The following LIMS2 variants were observed in gnomAD, a reference collection of about 807,000 sequenced individuals.
LIMS2 encodes LIM zinc finger domain containing 2, also known as LIM and senescent cell antigen-like-containing domain protein 2.
In LIMS2, 30 loss-of-function variants were observed where a neutral mutation model predicts 45.3. The observed-to-expected ratio is 0.66, with a 90% CI of 0.50 to 0.90. LIMS2 has a LOEUF of 0.90. Ranked by LOEUF, LIMS2 falls within the 40% of genes least tolerant of loss-of-function variation. The pLI, the probability that LIMS2 is intolerant of heterozygous loss-of-function variation, is 0.00. For missense variants in LIMS2, 485 were observed against 468.7 expected (o/e 1.03, Z -0.32); for synonymous variants, 173 against 188.0 (o/e 0.92, Z 0.65).
chr2:127,673,947 T>A, intron 1 of LIMS2: 2 of 567,662 alleles, frequency 3.5e-6, no homozygotes, highest in Non-Finnish European at 6.4e-6. Context: ...GGGAGCTAAC[T>A]GGGAAGAGAG....
chr2:127,642,979 G>A lies in LIMS2; in HGVS notation c.453C>T (p.Pro151=). 1.3e-6 allele frequency: 2 copies of A among 1,573,414 alleles called. No homozygotes were observed. The highest frequency in any genetic ancestry group is 1.7e-6 in the Non-Finnish European group (2 of 1,159,384). The stretch of plus-strand genomic sequence containing the variant: ...GGTAGGCGTCGCTCCTGAACATGAG[G>A]GGCTGCTCGTCGATGACCAGGTGGC... ...QRCHLVIDEQ[P]LMFRSDAYHP... is the part of the protein sequence containing the mutation. Residue 151 remains proline (P), a synonymous_variant, in exon 5 of 10, where the codon CCC becomes CCT. Transcript: ENST00000355119. This position sits in a 1 kb window ranked among gnomAD's most constrained non-coding sequence, Gnocchi z 5.3.
In LIMS2 at chr2:127,638,906, G is replaced by T. The variant is rs1682103861; in HGVS notation, c.*375C>A. 1 of 214,366 alleles carries T rather than the reference G, an allele frequency of 4.7e-6. No homozygotes were observed. The highest frequency in any genetic ancestry group is 7.8e-5 in the South Asian group (1 of 12,902). The allele number at this position is 214,366 out of a possible 1,614,324, so 13.3% of individuals were successfully genotyped here. A position where few individuals can be genotyped will look rare whatever the true frequency, so the allele number is the denominator to read the frequency against. ...TTAGTGGGGCCGCTCTGGGGCAGGG[G>T]CTCTCACAGGACAGCATGAGCCACT... On this transcript the variant is annotated 3_prime_UTR_variant, in exon 10 of 10. Transcript: ENST00000355119.
At chr2:127,675,632 G>GC (rs370055227), upstream of LIMS2, among the ~76,000 whole-genome samples, 1 of 151,996 alleles carries the variant, frequency 6.6e-6, no homozygotes, top group African/African-American at 2.4e-5. Flanking sequence ...CCCGCCCGGC[G>GC]CCCCCTCTGC....
chr2:127,645,362 G>C (rs1053543919), intron 4 of LIMS2, among the ~76,000 whole-genome samples: 2 of 152,214 alleles, frequency 1.3e-5, no homozygotes, highest in Non-Finnish European at 2.9e-5. Flanking sequence ...TTCCCATGTT[G>C]CTGGATGTAT....
chr2:127,645,505 C>T (rs1369907814), intron 4 of LIMS2, among the ~76,000 whole-genome samples: 1 of 152,230 alleles, frequency 6.6e-6, no homozygotes, highest in East Asian at 1.9e-4. Context: ...GATTCATGGG[C>T]TTCCGTGCAG....
chr2:127,664,118 G>A lies in LIMS2; in HGVS notation c.12-6556C>T, dbSNP rs192586874. ...CACCCTGCCAGGAGAGCTGATCACA[G>A]GTGACATCCAACCCTGTTAGATAAA... On this transcript the variant is annotated intron_variant, in intron 1 of 9. Transcript: ENST00000355119. This position sits in a 1 kb window ranked among gnomAD's most constrained non-coding sequence, Gnocchi z 5.5. Among the ~76,000 whole-genome samples the A allele has an allele frequency of 7.9e-5, 12 of 152,178 alleles. No individual in the cohort carries two copies. Among genetic ancestry groups the A allele is most frequent in the African/African-American group, 2.9e-4 (12 of 41,520 alleles).
rs1394932429 is a variant in LIMS2, at chr2:127,651,690, G to A, written c.359+2734C>T. The A allele has an allele frequency of 8.1e-6, 13 of 1,613,118 alleles. No individual in the cohort carries two copies. The South Asian group carries it at 1.4e-4, about 18-fold the overall frequency. Reference sequence around the variant, plus strand: ...CTTGCTCTGTGGCAAAAGGCTCAAGGGCCCGCCCCCCAGCTTCGAAGGGAA... The same window carrying A: ...CTTGCTCTGTGGCAAAAGGCTCAAGAGCCCGCCCCCCAGCTTCGAAGGGAA... On this transcript the variant is annotated intron_variant, in intron 4 of 9. Coordinates refer to ENST00000355119, the MANE Select transcript of LIMS2 (RefSeq NM_001161403.3).
At chr2:127,655,048 G>A (rs1263186442) in intron 2 of LIMS2, 152 bp from the exon 3 acceptor site, 2 of 741,474 alleles carry the variant, frequency 2.7e-6, no homozygotes, top group South Asian at 1.5e-5. Flanking sequence ...TCCCAGGCCT[G>A]GCCAGAGAGG....
chr2:127,642,253 T>C lies in LIMS2; in HGVS notation c.510-54A>G. ...CCACCCCTGCCCTTCTGCAGGGTCA[T>C]GCCAGCAGCGCCTCCACCCCAGGGC... On this transcript the variant is annotated intron_variant, in intron 5 of 9. Coordinates refer to ENST00000355119, the MANE Select transcript of LIMS2 (RefSeq NM_001161403.3). The surrounding 1 kb of genome is among the most constrained non-coding windows in gnomAD (Gnocchi z 5.3). 2.1e-6 allele frequency: 3 copies of C among 1,435,942 alleles called. No homozygotes were observed. The highest frequency in any genetic ancestry group is 1.5e-5 in the South Asian group (1 of 68,600). 89.0% of individuals were successfully genotyped at this position (1,435,942 alleles called of 1,614,324 possible).
At chr2:127,660,246 A>C (rs1684530218) in intron 1 of LIMS2, among the ~76,000 whole-genome samples, 1 of 152,236 alleles carries the variant, frequency 6.6e-6, no homozygotes, top group South Asian at 2.1e-4. Context: ...AAAATGGACC[A>C]ATCAGCAGGA....
chr2:127,671,842 C>T lies in LIMS2; in HGVS notation c.11+3172G>A, dbSNP rs1685283701. 6.6e-6 allele frequency among the ~76,000 whole-genome samples: 1 copy of T among 152,252 alleles called. No homozygotes were observed. The highest frequency in any genetic ancestry group is 1.5e-5 in the Non-Finnish European group (1 of 68,042). ...CACAAGCCACATCACTTGTTACCCA[C>T]TTTACAGTTTGCTTAAGCCCCTGAC... On this transcript the variant is annotated intron_variant, in intron 1 of 9. Transcript: ENST00000355119. The surrounding 1 kb of genome is among the most constrained non-coding windows in gnomAD (Gnocchi z 4.1).
Position 127,647,755 on chromosome 2 carries a change from CT to C in LIMS2, c.360-4684del, listed in dbSNP as rs1361397870. 5.9e-5 allele frequency among the ~76,000 whole-genome samples: 9 copies of C among 152,106 alleles called. No individual in the cohort carries two copies. The highest frequency in any genetic ancestry group is 1.2e-4 in the Non-Finnish European group (8 of 68,012). ...GTGTGCCCCTCCCATCTACCATGGG[CT>C]GTCCTCTCTGCTTGCCCATGCGTCT... On this transcript the variant is annotated intron_variant, in intron 4 of 9. Transcript: ENST00000355119. This position sits in a 1 kb window ranked among gnomAD's most constrained non-coding sequence, Gnocchi z 4.3.
In LIMS2 at chr2:127,663,654, C is replaced by A. The variant is rs545405166; in HGVS notation, c.12-6092G>T. On this transcript the variant is annotated intron_variant, in intron 1 of 9. Coordinates refer to ENST00000355119, the MANE Select transcript of LIMS2 (RefSeq NM_001161403.3). ...CCCCCGCCCCAGCCCTTCTGCCCAG[C>A]CTTGGCCTCCTCCCCAGGGTCCCTA... Among the ~76,000 whole-genome samples the A allele has an allele frequency of 2.7e-5, 4 of 150,896 alleles. No homozygotes were observed. In the East Asian group the frequency reaches 7.9e-4, roughly 30 times the overall value.
In LIMS2 at chr2:127,657,471, G is replaced by C; in HGVS notation, c.103C>G (p.Leu35Val). ...CACACGAAGCAGTGCTCATGGTACA[G>C]CTCCCCATTGCTGTTGACAATGCGC... The part of the protein sequence containing the change: ...AERIVNSNGE[L>V]YHEHCFVCAQ... Residue 35 changes from leucine to valine, a missense_variant, in exon 2 of 10, where the codon CTG becomes GTG. Leu to Val is a conservative substitution (Grantham distance 32). Transcript: ENST00000355119. 1 of 1,613,812 alleles carries C rather than the reference G, an allele frequency of 6.2e-7. No homozygotes were observed. Among genetic ancestry groups the C allele is most frequent in the Non-Finnish European group, 8.5e-7 (1 of 1,179,990 alleles).
chr2:127,661,184 T>A (rs931249740), intron 1 of LIMS2, among the ~76,000 whole-genome samples: 1 of 152,184 alleles, frequency 6.6e-6, no homozygotes, highest in Non-Finnish European at 1.5e-5. Flanking sequence ...GCCGCTCAGC[T>A]CTACACGTGA....
chr2:127,654,273 G>A (rs1020488945), intron 4 of LIMS2, 151 bp downstream of exon 4: 121 of 1,054,612 alleles, frequency 1.1e-4, no homozygotes, highest in Non-Finnish European at 1.5e-4. Flanking sequence ...CCGCCCCGGG[G>A]TGACCTGGAG....
chr2:127,640,044 C>A (rs373915233), intron 9 of LIMS2, 26 bp downstream of exon 9: 80 of 1,611,350 alleles, frequency 5.0e-5, no homozygotes, highest in Non-Finnish European at 6.6e-5. Flanking sequence ...CACCCTGAGC[C>A]CCATCCCACG....
At chr2:127,676,681 C>T (rs574389505), upstream of LIMS2, among the ~76,000 whole-genome samples, 4 of 152,194 alleles carry the variant, frequency 2.6e-5, no homozygotes, top group East Asian at 1.9e-4. Context: ...CTTCTTGTTG[C>T]GAGCGTGTCT....
chr2:127,657,566 G>A lies in LIMS2; in HGVS notation c.12-4C>T, dbSNP rs1341117603. On this transcript the variant is annotated splice_polypyrimidine_tract_variant and splice_region_variant and intron_variant, in intron 1 of 9. Coordinates refer to ENST00000355119, the MANE Select transcript of LIMS2 (RefSeq NM_001161403.3). ...GGCCAAGGCGTCCGACATATTGCTG[G>A]GGGCAGGAGACAGGAGGAGTGAGTC... The A allele has an allele frequency of 1.3e-6, 2 of 1,592,276 alleles. No individual in the cohort carries two copies. Among genetic ancestry groups the A allele is most frequent in the Admixed American group, 1.7e-5 (1 of 58,892 alleles).
Sources: allele counts gnomAD v4.1 joint callset (sites outside exome capture counted in the v4.1 genomes callset), GRCh38; gene constraint gnomAD v4.1.1; non-coding constraint Gnocchi (gnomAD v3.1); transcripts MANE v1.5; gene names NCBI Gene and HGNC (gene_info 2026-07-23, HGNC 2026-07-21).